CXADR: variants seen among roughly 807,000 people sequenced by gnomAD.
CXADR encodes coxsackievirus and adenovirus receptor.
CXADR carries 20 observed loss-of-function variants against 40.3 expected under a neutral mutation model. The ratio of observed to expected loss-of-function variants is 0.50; its 90% CI spans 0.35 to 0.72. The LOEUF (loss-of-function observed/expected upper bound fraction) is 0.72, where lower values mean the gene tolerates loss of function less well. Among genes scored for constraint, CXADR ranks in the 30% least tolerant of loss-of-function variants. The probability of loss-of-function intolerance (pLI) is 0.01; values close to 1 mark genes in which losing one functional copy is unlikely to be tolerated. For synonymous variants in CXADR, 150 were observed against 161.3 expected (o/e 0.93, Z 0.53); for missense variants, 332 against 449.1 (o/e 0.74, Z 2.36).
chr21:17,513,499 G>A (rs2060419324), intron 1 of CXADR, among the ~76,000 whole-genome samples: 1 of 152,222 alleles, frequency 6.6e-6, no homozygotes, highest in Admixed American at 6.5e-5. Flanking sequence ...GTGCGGGCTT[G>A]CCTTTCTTTG....
the CXADR span, among the ~76,000 whole-genome samples, chr21:17,623,828 G>C: frequency 1.3e-5 from 2 of 152,210 alleles, no homozygotes; most frequent in East Asian, 3.9e-4. Context: ...AGCTATCCCT[G>C]AGCAAATCCT....
At chr21:17,587,769 T>C in intron 7 of CXADR, among the ~76,000 whole-genome samples, 1 of 152,098 alleles carries the variant, frequency 6.6e-6, no homozygotes, top group Non-Finnish European at 1.5e-5. Context: ...TTTTGGCTTT[T>C]GTTGCCATTG....
At position 17,568,957 on chromosome 21, in the gene CXADR, C is replaced by T; in HGVS notation, c.*3265C>T. The stretch of plus-strand genomic sequence containing the variant: ...AATCCAAATCACTATCCATATAGAT[C>T]ATGGATATAAAGAGATACCTGATTT... On this transcript the variant is annotated 3_prime_UTR_variant, in exon 7 of 7. Coordinates refer to ENST00000284878, the MANE Select transcript of CXADR (RefSeq NM_001338.5). The T allele has an allele frequency of 1.0e-6, 1 of 980,074 alleles. No homozygotes were observed. The highest frequency in any genetic ancestry group is 1.2e-6 in the Non-Finnish European group (1 of 825,198). The allele number at this position is 980,074 out of a possible 1,614,324, so 60.7% of individuals were successfully genotyped here. A position where few individuals can be genotyped will look rare whatever the true frequency, so the allele number is the denominator to read the frequency against.
At chr21:17,632,666 G>C in the CXADR span, among the ~76,000 whole-genome samples, 1 of 151,968 alleles carries the variant, frequency 6.6e-6, no homozygotes, top group Non-Finnish European at 1.5e-5. Flanking sequence ...AGAAGATTGA[G>C]ACCATCCTGG....
chr21:17,560,458 C>T (rs533762033), intron 4 of CXADR, among the ~76,000 whole-genome samples: 2 of 152,360 alleles, frequency 1.3e-5, no homozygotes, highest in South Asian at 4.1e-4. Flanking sequence ...ACCAGCACCC[C>T]TGCTCCAGCT....
At chr21:17,521,174 A>AT (rs1236815759) in intron 1 of CXADR, among the ~76,000 whole-genome samples, 3 of 152,132 alleles carry the variant, frequency 2.0e-5, no homozygotes, top group African/African-American at 7.2e-5. Flanking sequence ...GTGATAGGGG[A>AT]TATAGGAGAC....
chr21:17,607,085 T>C, the CXADR span, among the ~76,000 whole-genome samples: 33 of 152,228 alleles, frequency 2.2e-4, no homozygotes, highest in Admixed American at 7.2e-4. Flanking sequence ...ATTTTTATAA[T>C]AGTAACAACC....
chr21:17,546,673 G>A (rs554905541), intron 1 of CXADR, among the ~76,000 whole-genome samples: 1 of 152,136 alleles, frequency 6.6e-6, no homozygotes, highest in South Asian at 2.1e-4. Flanking sequence ...TTTGGGCGGG[G>A]TCACAAATCC....
chr21:17,625,548 C>T, the CXADR span, among the ~76,000 whole-genome samples: 1 of 152,152 alleles, frequency 6.6e-6, no homozygotes. Context: ...TTTGGCATTA[C>T]TGTCCTTGGT....
chr21:17,549,002 A>G (rs924654917), intron 2 of CXADR, among the ~76,000 whole-genome samples: 4 of 152,214 alleles, frequency 2.6e-5, no homozygotes, highest in Non-Finnish European at 4.4e-5. Context: ...AATATATTTC[A>G]GCTAGTAGAC....
Position 17,568,557 on chromosome 21 carries a change from CT to C in CXADR, c.*2882del, listed in dbSNP as rs71333559. 0.44 allele frequency: 381,344 copies of C among 874,254 alleles called. 21,042 individuals are homozygous for C. Among genetic ancestry groups the C allele is most frequent in the East Asian group, 0.59 (4,644 of 7,878 alleles). The allele number at this position is 874,254 out of a possible 1,614,324, so 54.2% of individuals were successfully genotyped here. A position where few individuals can be genotyped will look rare whatever the true frequency, so the allele number is the denominator to read the frequency against. On this transcript the variant is annotated 3_prime_UTR_variant, in exon 7 of 7. Transcript: ENST00000284878. The stretch of plus-strand genomic sequence containing the variant: ...TTACTGTAGAATATATAGTTCTGTA[CT>C]TTTTTTTTTTTTTTTTAAGAGATAG...
chr21:17,541,539 CAG>C (rs985473690), intron 1 of CXADR, among the ~76,000 whole-genome samples: 73 of 151,790 alleles, frequency 4.8e-4, no homozygotes, highest in African/African-American at 1.6e-3. Flanking sequence ...GCCCAGGCGT[CAG>C]AGCAAGACTC....
At chr21:17,578,864 T>C (rs939961334) in intron 7 of CXADR, among the ~76,000 whole-genome samples, 10 of 152,110 alleles carry the variant, frequency 6.6e-5, no homozygotes, top group African/African-American at 2.4e-4. Flanking sequence ...ACATTTTGCA[T>C]ATACCTGTCT....
At chr21:17,594,635 G>C (rs902702773), downstream of CXADR, among the ~76,000 whole-genome samples, 5 of 152,114 alleles carry the variant, frequency 3.3e-5, no homozygotes, top group Admixed American at 6.6e-5. Context: ...GGACATGCTT[G>C]TTTTAGTCCA....
the CXADR span, among the ~76,000 whole-genome samples, chr21:17,617,779 G>A: frequency 1.3e-5 from 2 of 152,072 alleles, no homozygotes; most frequent in African/African-American, 2.4e-5. Context: ...TCAGTGTGGC[G>A]GGTGATGAAG....
At chr21:17,536,530 C>T (rs1308236223) in intron 1 of CXADR, among the ~76,000 whole-genome samples, 1 of 152,064 alleles carries the variant, frequency 6.6e-6, no homozygotes, top group African/African-American at 2.4e-5. Context: ...CTCTGAGCTC[C>T]CTCCTTCTAC....
the CXADR span, among the ~76,000 whole-genome samples, chr21:17,603,031 T>C: frequency 6.6e-6 from 1 of 152,194 alleles, no homozygotes; most frequent in Non-Finnish European, 1.5e-5. Context: ...CATTTTTTGG[T>C]AGCGTCTGAC....
the CXADR span, chr21:17,612,570 G>C: frequency 6.6e-6 from 1 of 152,160 alleles, no homozygotes; most frequent in African/African-American, 2.4e-5. Context: ...TCCATCCCCT[G>C]CCCCTCCCCT....
At chr21:17,547,544 G>A (rs1483454825) in intron 2 of CXADR, among the ~76,000 whole-genome samples, 2 of 152,184 alleles carry the variant, frequency 1.3e-5, no homozygotes, top group Non-Finnish European at 2.9e-5. Flanking sequence ...CGTTGAGACA[G>A]GAGTGTGTGT....
Sources: allele counts gnomAD v4.1 joint callset (sites outside exome capture counted in the v4.1 genomes callset), GRCh38; gene constraint gnomAD v4.1.1; transcripts MANE v1.5; gene names NCBI Gene and HGNC (gene_info 2026-07-23, HGNC 2026-07-21).